The following RPE variants were observed in gnomAD, a reference collection of about 807,000 sequenced individuals.
RPE encodes the protein ribulose-phosphate 3-epimerase.
In RPE, 16 loss-of-function variants were observed where a neutral mutation model predicts 24.6. That is an observed-to-expected ratio of 0.65 (90% CI 0.44 to 0.99). The LOEUF (loss-of-function observed/expected upper bound fraction) is 0.99, where lower values mean the gene tolerates loss of function less well. RPE is among the 50% of genes least tolerant of loss of function. The pLI, the probability that RPE is intolerant of heterozygous loss-of-function variation, is 0.00. For synonymous variants in RPE, 93 were observed against 98.4 expected, an observed-to-expected ratio of 0.94 and a Z score of 0.33; for missense variants, 240 against 294.5, an observed-to-expected ratio of 0.81 and a Z score of 1.35.
intron 1 of RPE, among the ~76,000 whole-genome samples, chr2:210,008,588 C>T (rs1238307078): frequency 2.0e-4 from 4 of 20,304 alleles, no homozygotes; most frequent in South Asian, 0.013. Context: ...CCACCATGCC[C>T]GGCCCCGGTT....
chr2:210,019,654 GTT>G lies in RPE; in HGVS notation c.565-13_565-12del. ...TTTTCCTTTGAGGCATAACCTAACT[GTT>G]TACTTCTTCCAGGCAGGAGCTAACA... On this transcript the variant is annotated splice_polypyrimidine_tract_variant and intron_variant, in intron 5 of 5. Transcript: ENST00000359429. The G allele has an allele frequency of 6.2e-7, 1 of 1,611,446 alleles. No homozygotes were observed. The highest frequency in any genetic ancestry group is 8.5e-7 in the Non-Finnish European group (1 of 1,178,456).
chr2:210,016,697 G>A, intron 4 of RPE, 56 bp downstream of exon 4: 1 of 1,609,470 alleles, frequency 6.2e-7, no homozygotes, highest in South Asian at 1.1e-5. Flanking sequence ...CATTCAGTAA[G>A]CATTTATTGA....
At chr2:210,007,833 A>G (rs571448132) in intron 1 of RPE, among the ~76,000 whole-genome samples, 13 of 152,366 alleles carry the variant, frequency 8.5e-5, no homozygotes, top group African/African-American at 2.2e-4. Flanking sequence ...AGATTTCAGT[A>G]GCTTAGCATT....
At chr2:210,006,260 T>C (rs1225700818) in intron 1 of RPE, among the ~76,000 whole-genome samples, 1 of 152,218 alleles carries the variant, frequency 6.6e-6, no homozygotes, top group African/African-American at 2.4e-5. Flanking sequence ...AGATTCCCGG[T>C]CCTCTTTGGA....
intron 2 of RPE, 100 bp from the exon 3 acceptor site, chr2:210,015,873 G>C (rs2093764102): frequency 3.4e-6 from 4 of 1,193,088 alleles, no homozygotes; most frequent in Non-Finnish European, 4.7e-6. Flanking sequence ...GATGGCCAAA[G>C]AGTTCTTATC....
intron 1 of RPE, among the ~76,000 whole-genome samples, chr2:210,008,870 A>AT (rs2093665662): frequency 6.6e-6 from 1 of 151,544 alleles, no homozygotes; most frequent in Admixed American, 6.6e-5. Context: ...TAATTTTTGT[A>AT]TTTTTAGTAG....
Position 210,022,093 on chromosome 2 carries a change from A to T in RPE, c.*2302A>T, listed in dbSNP as rs762551343. The T allele has an allele frequency of 6.6e-6, 1 of 151,280 alleles. No homozygotes were observed. Among genetic ancestry groups the T allele is most frequent in the African/African-American group, 2.4e-5 (1 of 41,096 alleles). The allele number at this position is 151,280 out of a possible 1,614,324, so 9.4% of individuals were successfully genotyped here. On this transcript the variant is annotated 3_prime_UTR_variant, in exon 6 of 6. Coordinates refer to ENST00000359429, the MANE Select transcript of RPE (RefSeq NM_199229.3). The stretch of plus-strand genomic sequence containing the variant: ...GTGTCTTCTCTTCATGAGACACATT[A>T]ATTGGTAAAACTCAAATTGAGTTTT...
chr2:210,011,364 C>T (rs1355716459), intron 2 of RPE, among the ~76,000 whole-genome samples: 1 of 152,128 alleles, frequency 6.6e-6, no homozygotes, highest in Admixed American at 6.5e-5. Context: ...TGGCCAGAAT[C>T]CTCGCTTCTG....
intron 1 of RPE, 125 bp from the exon 2 acceptor site, chr2:210,009,532 A>AATCATCAG: frequency 7.7e-7 from 1 of 1,296,700 alleles, no homozygotes; most frequent in Non-Finnish European, 1.1e-6. Context: ...TTTAATACTG[A>AATCATCAG]TGATTAAGTA....
intron 1 of RPE, among the ~76,000 whole-genome samples, chr2:210,005,588 A>G (rs552539876): frequency 3.9e-5 from 6 of 152,244 alleles, no homozygotes; most frequent in Admixed American, 3.3e-4. Context: ...AGGATTTAAA[A>G]CTGGGACGAT....
At chr2:210,015,366 G>T (rs905695467) in intron 2 of RPE, among the ~76,000 whole-genome samples, 10 of 152,154 alleles carry the variant, frequency 6.6e-5, no homozygotes, top group African/African-American at 2.2e-4. Context: ...AATGCTGAAG[G>T]GTTTCTCCTC....
At position 210,014,727 on chromosome 2, in the gene RPE, C is replaced by CTT. The variant is rs78186233; in HGVS notation, c.203-1237_203-1236dup. Among the ~76,000 whole-genome samples the CTT allele has an allele frequency of 2.5e-4, 37 of 147,644 alleles. 1 individual carries two copies. The East Asian group carries it at 3.4e-3, about 13-fold the overall frequency. ...CAAGCTTTATACTTTCTTTTTCTGA[C>CTT]TTTTTTTTTTCAAGGCTTTATTGTA... On this transcript the variant is annotated intron_variant, in intron 2 of 5. Coordinates refer to ENST00000359429, the MANE Select transcript of RPE (RefSeq NM_199229.3).
At chr2:210,018,025 G>A in intron 5 of RPE, 1 of 976,446 alleles carries the variant, frequency 1.0e-6, no homozygotes, top group Non-Finnish European at 1.5e-6. Flanking sequence ...GATTACAGAT[G>A]TGAGCCATGG....
At chr2:210,013,803 A>G (rs2093732646) in intron 2 of RPE, among the ~76,000 whole-genome samples, 3 of 152,038 alleles carry the variant, frequency 2.0e-5, no homozygotes, top group South Asian at 4.1e-4. Context: ...AGCCATATAT[A>G]GTGTTTTTTT....
At chr2:210,006,313 T>C (rs945264482) in intron 1 of RPE, among the ~76,000 whole-genome samples, 21 of 152,160 alleles carry the variant, frequency 1.4e-4, no homozygotes, top group African/African-American at 3.9e-4. Context: ...TTAGAACTGC[T>C]CTCATGGTTA....
intron 1 of RPE, among the ~76,000 whole-genome samples, chr2:210,004,159 G>T (rs767295673): frequency 3.9e-5 from 6 of 152,118 alleles, no homozygotes; most frequent in Non-Finnish European, 8.8e-5. Context: ...ATACCTAGAG[G>T]GTCACAGGAT....
At chr2:210,018,822 A>G in intron 5 of RPE, 2 of 348,742 alleles carry the variant, frequency 5.7e-6, no homozygotes, top group Non-Finnish European at 8.1e-6. Context: ...CTAGGCATAA[A>G]TGGGTTAACT....
intron 2 of RPE, among the ~76,000 whole-genome samples, chr2:210,011,831 A>ATTTTTTTTTT (rs56083964): frequency 2.8e-5 from 3 of 106,724 alleles, no homozygotes; most frequent in African/African-American, 3.6e-5. Context: ...ACAACCGGCT[A>ATTTTTTTTTT]TTTTTTTTTT....
At chr2:210,003,660 C>T (rs1575287925) in intron 1 of RPE, among the ~76,000 whole-genome samples, 2 of 152,254 alleles carry the variant, frequency 1.3e-5, no homozygotes, top group South Asian at 4.1e-4. Context: ...CTCTGAGCCC[C>T]ACTGTTAACT....
Sources: allele counts gnomAD v4.1 joint callset (sites outside exome capture counted in the v4.1 genomes callset), GRCh38; gene constraint gnomAD v4.1.1; transcripts MANE v1.5; gene names NCBI Gene and HGNC (gene_info 2026-07-23, HGNC 2026-07-21).